Variants in PIGT observed in about 807,000 individuals in gnomAD.
PIGT encodes the protein GPI-anchor transamidase component PIGT.
Under a neutral mutation model 66.7 loss-of-function variants are expected in PIGT, and 57 were observed. The ratio of observed to expected loss-of-function variants is 0.86; its 90% CI spans 0.69 to 1.07. PIGT has a LOEUF of 1.07. PIGT is among the 50% of genes least tolerant of loss of function. The pLI is 0.00. For missense variants in PIGT, 725 were observed against 740.4 expected, an observed-to-expected ratio of 0.98 and a Z score of 0.24; for synonymous variants, 362 against 320.5, an observed-to-expected ratio of 1.13 and a Z score of -1.38.
rs1310295359 is a variant in PIGT, at chr20:45,425,410, C to G, written c.1485-164C>G. 1.1e-5 allele frequency: 8 copies of G among 701,328 alleles called. No individual in the cohort carries two copies. The East Asian group carries it at 2.1e-4, about 19-fold the overall frequency. 43.4% of individuals were successfully genotyped at this position (701,328 alleles called of 1,614,324 possible). ...CCCTTGCCCCCCGCCCGCCGCTCCC[C>G]TTTATCAGGTTTAGAGATTGAGCTA... On this transcript the variant is annotated intron_variant, in intron 11 of 11. Transcript: ENST00000279036.
intron 11 of PIGT, among the ~76,000 whole-genome samples, chr20:45,425,332 A>C (rs1990674815): frequency 1.3e-5 from 2 of 151,608 alleles, no homozygotes; most frequent in South Asian, 4.2e-4. Flanking sequence ...TCAACCCATC[A>C]TCTAGGTTTT....
chr20:45,418,928 A>AC lies in PIGT; in HGVS notation c.444dup (p.Asn149GlnfsTer17). ...CGCCTCTCTCAACTTCATCGACTCCACCAACACAGTCACTCCCACTGCCTC... is the reference window on the plus strand; with the variant it reads ...CGCCTCTCTCAACTTCATCGACTCCACCCAACACAGTCACTCCCACTGCCTC... On this transcript the variant is annotated frameshift_variant, in exon 3 of 12. Transcript: ENST00000279036. LOFTEE classifies it high-confidence loss of function. 2 of 1,614,036 alleles carry AC rather than the reference A, an allele frequency of 1.2e-6. No individual in the cohort carries two copies. Among genetic ancestry groups the AC allele is most frequent in the Non-Finnish European group, 1.7e-6 (2 of 1,179,950 alleles).
In PIGT at chr20:45,416,599, A is replaced by T. The variant is rs1468857927; in HGVS notation, c.270A>T (p.Thr90=). The T allele has an allele frequency of 6.2e-7, 1 of 1,614,170 alleles. No individual in the cohort carries two copies. Among genetic ancestry groups the T allele is most frequent in the Admixed American group, 1.7e-5 (1 of 60,032 alleles). Residue 90 remains threonine (T), a synonymous_variant, in exon 2 of 12, where the codon ACA becomes ACT. Coordinates refer to ENST00000279036, the MANE Select transcript of PIGT (RefSeq NM_015937.6). ...TACGGGAGCTGCACCTGTCATTCAC[A>T]CAAGGCTTTTGGAGGACCCGATACT... is the stretch of plus-strand genomic sequence containing the variant. ...YSLRELHLSF[T]QGFWRTRYWG...
chr20:45,417,133 C>G (rs562692692), intron 2 of PIGT: 262 of 154,574 alleles, frequency 1.7e-3, no homozygotes, highest in Middle Eastern at 3.4e-3. Flanking sequence ...AGTTACTGTG[C>G]CTACTACAAA....
At position 45,425,712 on chromosome 20, in the gene PIGT, C is replaced by T. The variant is rs1303700029; in HGVS notation, c.1623C>T (p.Gly541=). ...LTCTVVAVCY[G]SFYNLLTRTF... is the part of the protein sequence containing the mutation. ...GCACTGTGGTGGCCGTGTGCTATGGCTCCTTCTACAATCTCCTCACCCGAA... is the reference window on the plus strand; with the variant it reads ...GCACTGTGGTGGCCGTGTGCTATGGTTCCTTCTACAATCTCCTCACCCGAA... Residue 541 remains glycine, a synonymous_variant, in exon 12 of 12, where the codon GGC becomes GGT. Transcript: ENST00000279036. The T allele has an allele frequency of 2.5e-6, 4 of 1,614,176 alleles. No homozygotes were observed. Among genetic ancestry groups the T allele is most frequent in the Non-Finnish European group, 2.5e-6 (3 of 1,179,998 alleles).
At chr20:45,417,515 AC>A (rs2145437077) in intron 2 of PIGT, 1 of 152,300 alleles carries the variant, frequency 6.6e-6, no homozygotes, top group African/African-American at 2.4e-5. Flanking sequence ...TTTTGTAGAA[AC>A]AAGGTCTCAC....
rs1990191988 is a variant in PIGT, at chr20:45,419,322, C to T, written c.521C>T (p.Ala174Val). The change falls in exon 4 of 12, where the codon GCT becomes GTT. Residue 174 changes from alanine (A) to valine (V), a missense_variant. This residue lies in a region of PIGT where 559 missense variants were observed against 552.7 expected (regional missense o/e 1.01). Coordinates refer to ENST00000279036, the MANE Select transcript of PIGT (RefSeq NM_015937.6). ...NDTDHYFLRY[A>V]VLPREVVCTE... is the part of the protein sequence containing the mutation. ...ACTGACCACTACTTTCTGCGCTATG[C>T]TGTGCTGCCGCGGGAGGTGGTCTGC... The T allele has an allele frequency of 6.2e-7, 1 of 1,614,104 alleles. No homozygotes were observed. Among genetic ancestry groups the T allele is most frequent in the Non-Finnish European group, 8.5e-7 (1 of 1,179,952 alleles).
At chr20:45,419,731 A>G (rs1243137820) in intron 5 of PIGT, 141 bp downstream of exon 5, 1 of 682,328 alleles carries the variant, frequency 1.5e-6, no homozygotes, top group African/African-American at 1.8e-5. Flanking sequence ...TTGGCCAAGC[A>G]CCAAGAAAAC....
intron 9 of PIGT, chr20:45,422,822 T>C (rs1990452323): frequency 6.6e-6 from 1 of 152,212 alleles, no homozygotes; most frequent in Non-Finnish European, 1.5e-5. Context: ...ACCACTTCTG[T>C]TTTCCCCTGT....
intron 1 of PIGT, 33 bp downstream of exon 1, chr20:45,416,376 T>G (rs1200857288): frequency 6.4e-7 from 1 of 1,556,766 alleles, no homozygotes; most frequent in Non-Finnish European, 8.7e-7. Flanking sequence ...GGGAAAGATT[T>G]CCGTAGTGCC....
intron 8 of PIGT, 90 bp from the exon 9 acceptor site, chr20:45,421,293 G>T: frequency 1.7e-6 from 2 of 1,149,298 alleles, no homozygotes; most frequent in Non-Finnish European, 1.2e-6. Context: ...CTACTCACTG[G>T]CTTGGGACTC....
intron 5 of PIGT, 75 bp downstream of exon 5, chr20:45,419,665 C>A: frequency 9.6e-7 from 1 of 1,043,042 alleles, no homozygotes; most frequent in Non-Finnish European, 1.5e-6. Context: ...TGGTCAGTGT[C>A]TGGCTCAGGC....
chr20:45,420,748 C>G (rs1287494793), intron 8 of PIGT, 55 bp downstream of exon 8: 2 of 1,549,168 alleles, frequency 1.3e-6, no homozygotes, highest in East Asian at 4.5e-5. Flanking sequence ...AGAAAAGACT[C>G]ACAATCCCAC....
chr20:45,420,965 A>T (rs867608530), intron 8 of PIGT: 2 of 551,690 alleles, frequency 3.6e-6, no homozygotes, highest in East Asian at 6.2e-5. Context: ...TGCTTAATCA[A>T]CCAAATACTT....
intron 9 of PIGT, chr20:45,424,013 T>C (rs1010472599): frequency 8.4e-6 from 5 of 593,942 alleles, no homozygotes; most frequent in African/African-American, 7.4e-5. Flanking sequence ...CAACCTCTCT[T>C]GATCGCATCC....
At chr20:45,424,157 A>G (rs1479288671) in intron 9 of PIGT, 59 bp from the exon 10 acceptor site, 3 of 1,506,858 alleles carry the variant, frequency 2.0e-6, no homozygotes, top group Admixed American at 3.4e-5. Context: ...CAGCAGGGAC[A>G]GGGGCAGCAG....
In PIGT at chr20:45,425,586, T is replaced by G; in HGVS notation, c.1497T>G (p.Ser499=). The G allele has an allele frequency of 6.2e-7, 1 of 1,613,866 alleles. No individual in the cohort carries two copies. Among genetic ancestry groups the G allele is most frequent in the Non-Finnish European group, 8.5e-7 (1 of 1,179,942 alleles). Residue 499 remains serine, a synonymous_variant, in exon 12 of 12, where the codon TCT becomes TCG. Transcript: ENST00000279036. ...SPLFNSLFPV[S]DGSNYFVRLY... The stretch of plus-strand genomic sequence containing the variant: ...CCCCTGACCCCAGGTTCCCAGTCTC[T>G]GATGGCTCTAACTACTTTGTGCGGC...
chr20:45,424,087 C>T, intron 9 of PIGT, 129 bp from the exon 10 acceptor site: 1 of 752,768 alleles, frequency 1.3e-6, no homozygotes, highest in South Asian at 1.6e-5. Context: ...CCCTTGCCTG[C>T]CTGGCTTCTA....
intron 2 of PIGT, chr20:45,417,997 T>A (rs776540787): frequency 3.9e-5 from 6 of 152,366 alleles, no homozygotes; most frequent in Admixed American, 6.5e-5. Flanking sequence ...CGTAATTGCC[T>A]GAAATGTGGA....
Sources: allele counts gnomAD v4.1 joint callset (sites outside exome capture counted in the v4.1 genomes callset), GRCh38; gene constraint gnomAD v4.1.1; regional missense constraint gnomAD v4.1.1; transcripts MANE v1.5; gene names NCBI Gene and HGNC (gene_info 2026-07-23, HGNC 2026-07-21).